ZNF69: variants seen among roughly 807,000 people sequenced by gnomAD.
ZNF69 encodes zinc finger protein 69.
Under a neutral mutation model 50.9 loss-of-function variants are expected in ZNF69, and 47 were observed. That is an observed-to-expected ratio of 0.92 (90% CI 0.73 to 1.18). The LOEUF (loss-of-function observed/expected upper bound fraction) is 1.18. Among genes scored for constraint, ZNF69 ranks in the 50% most tolerant of loss-of-function variants. The pLI is 0.00. For synonymous variants in ZNF69, 216 were observed against 223.1 expected (o/e 0.97, Z 0.29); for missense variants, 717 against 675.1 (o/e 1.06, Z -0.69).
chr19:11,947,120 G>A, the ZNF69 span: 16 of 1,588,166 alleles, frequency 1.0e-5, no homozygotes, highest in African/African-American at 8.2e-5. Context: ...TGGGAATAGA[G>A]TCTAGGCCTC....
At chr19:11,889,216 G>A (rs990858110) in intron 1 of ZNF69, among the ~76,000 whole-genome samples, 2 of 152,192 alleles carry the variant, frequency 1.3e-5, no homozygotes, top group Non-Finnish European at 2.9e-5. Flanking sequence ...ACTTACCCTT[G>A]TCTTGCGTGG....
the ZNF69 span, among the ~76,000 whole-genome samples, chr19:11,931,054 T>A: frequency 6.8e-6 from 1 of 148,050 alleles, no homozygotes; most frequent in Non-Finnish European, 1.5e-5. Flanking sequence ...TGTTTTCCAT[T>A]GGTCTATCTT....
chr19:11,896,816 T>A (rs973739643), intron 1 of ZNF69, among the ~76,000 whole-genome samples: 2 of 152,136 alleles, frequency 1.3e-5, no homozygotes, highest in Non-Finnish European at 2.9e-5. Flanking sequence ...TTAGAAGTAG[T>A]TTTTTCTTAA....
the ZNF69 span, among the ~76,000 whole-genome samples, chr19:11,964,263 G>A: frequency 3.9e-5 from 6 of 152,234 alleles, no homozygotes; most frequent in Non-Finnish European, 8.8e-5. Flanking sequence ...ACGTGCAGAC[G>A]CCTTTGTGGG....
downstream of ZNF69, among the ~76,000 whole-genome samples, chr19:11,907,431 C>T (rs1972395220): frequency 1.3e-5 from 2 of 152,236 alleles, no homozygotes; most frequent in South Asian, 2.1e-4. Flanking sequence ...AGAGAAAGGT[C>T]GGGTTACCCA....
At chr19:11,974,155 TTTCCTTCCTTCC>T in the ZNF69 span, among the ~76,000 whole-genome samples, 5 of 115,732 alleles carry the variant, frequency 4.3e-5, no homozygotes, top group African/African-American at 9.6e-5. Context: ...TCTTTCTTTC[TTTCCTTCCTTCC>T]TTCCTTCCTT....
the ZNF69 span, among the ~76,000 whole-genome samples, chr19:11,967,702 C>T: frequency 6.6e-6 from 1 of 152,092 alleles, no homozygotes; most frequent in Admixed American, 6.6e-5. Flanking sequence ...CATGTCCGGC[C>T]CCTGTCTCTA....
At chr19:11,967,565 G>T in the ZNF69 span, among the ~76,000 whole-genome samples, 1 of 151,806 alleles carries the variant, frequency 6.6e-6, no homozygotes, top group Non-Finnish European at 1.5e-5. Context: ...CACCACGCTC[G>T]GCTAATTTTT....
downstream of ZNF69, among the ~76,000 whole-genome samples, chr19:11,908,659 C>G (rs1972414240): frequency 6.6e-6 from 1 of 152,126 alleles, no homozygotes; most frequent in Non-Finnish European, 1.5e-5. Flanking sequence ...ATCTCTGGGA[C>G]ACATTTAAAG....
At chr19:11,974,240 A>G in the ZNF69 span, among the ~76,000 whole-genome samples, 2 of 145,898 alleles carry the variant, frequency 1.4e-5, no homozygotes. Context: ...CTTGTTACCT[A>G]GGCTGGAGTG....
chr19:11,889,569 A>G (rs1977031558), intron 1 of ZNF69, among the ~76,000 whole-genome samples: 1 of 152,184 alleles, frequency 6.6e-6, no homozygotes, highest in African/African-American at 2.4e-5. Flanking sequence ...GGATTCAAGC[A>G]ATTCTCTAGC....
the ZNF69 span, among the ~76,000 whole-genome samples, chr19:11,954,820 TAAAAAAC>T: frequency 6.6e-6 from 1 of 151,884 alleles, no homozygotes; most frequent in Non-Finnish European, 1.5e-5. Context: ...GGGCCTTTGT[TAAAAAAC>T]AAAAAACAAA....
the ZNF69 span, chr19:11,978,006 A>T: frequency 7.5e-7 from 1 of 1,340,392 alleles, no homozygotes; most frequent in Non-Finnish European, 1.0e-6. Flanking sequence ...CAATTCAGCC[A>T]GGGCAGAAAG....
chr19:11,890,300 G>A (rs1977054000), intron 1 of ZNF69, among the ~76,000 whole-genome samples: 1 of 152,210 alleles, frequency 6.6e-6, no homozygotes, highest in Non-Finnish European at 1.5e-5. Context: ...TTGGGCAGAG[G>A]TCCCTGCGGC....
intron 1 of ZNF69, among the ~76,000 whole-genome samples, chr19:11,893,668 C>T (rs189729189): frequency 6.6e-6 from 1 of 152,270 alleles, no homozygotes; most frequent in East Asian, 1.9e-4. Context: ...CCGGGGCTGA[C>T]TCAAGATGCC....
the ZNF69 span, chr19:11,949,316 C>T: frequency 1.9e-6 from 3 of 1,613,196 alleles, no homozygotes. Context: ...AGATCTGCCT[C>T]ACAGCTTCGA....
the ZNF69 span, among the ~76,000 whole-genome samples, chr19:11,960,488 C>G: frequency 6.6e-6 from 1 of 151,974 alleles, no homozygotes; most frequent in Non-Finnish European, 1.5e-5. Flanking sequence ...AGACAGGGGT[C>G]TCAGTGTTTT....
chr19:11,949,081 A>G, the ZNF69 span: 12 of 1,610,768 alleles, frequency 7.4e-6, no homozygotes, highest in African/African-American at 1.3e-5. Context: ...TCAAACACAC[A>G]TAAGAATGAA....
chr19:11,937,651 G>A, the ZNF69 span, among the ~76,000 whole-genome samples: 1 of 151,782 alleles, frequency 6.6e-6, no homozygotes, highest in African/African-American at 2.4e-5. Context: ...ACCACGCTTG[G>A]CTAATTTTTT....
Sources: allele counts gnomAD v4.1 joint callset (sites outside exome capture counted in the v4.1 genomes callset), GRCh38; gene constraint gnomAD v4.1.1; transcripts MANE v1.5; gene names NCBI Gene and HGNC (gene_info 2026-07-23, HGNC 2026-07-21).